The following C1GALT1 variants were observed in gnomAD, a reference collection of about 807,000 sequenced individuals.
The protein encoded by C1GALT1 is core 1 synthase, glycoprotein-N-acetylgalactosamine 3-beta-galactosyltransferase 1, also known as glycoprotein-N-acetylgalactosamine 3-beta-galactosyltransferase 1.
Under a neutral mutation model 31.0 loss-of-function variants are expected in C1GALT1, and 11 were observed. The ratio of observed to expected loss-of-function variants is 0.36; its 90% confidence interval spans 0.22 to 0.59. The LOEUF is 0.59. C1GALT1 is among the 20% of genes least tolerant of loss of function. The pLI is 0.79. For synonymous variants in C1GALT1, 175 were observed against 143.6 expected (o/e 1.22, Z -1.56); for missense variants, 424 against 425.2 (o/e 1.00, Z 0.03).
At chr7:7,210,389 A>G (rs1008653732) in intron 1 of C1GALT1, 6 of 147,314 alleles carry the variant, frequency 4.1e-5, no homozygotes, top group Non-Finnish European at 8.9e-5. Context: ...TGATGAGACC[A>G]TGCATAATTT....
At chr7:7,195,237 T>C (rs2128233497) in intron 1 of C1GALT1, among the ~76,000 whole-genome samples, 1 of 152,328 alleles carries the variant, frequency 6.6e-6, no homozygotes, top group East Asian at 1.9e-4. Context: ...TGTTCTTGTT[T>C]CTCTGGTTCC....
intron 1 of C1GALT1, among the ~76,000 whole-genome samples, chr7:7,193,591 A>G (rs1781164591): frequency 6.6e-6 from 1 of 152,064 alleles, no homozygotes; most frequent in African/African-American, 2.4e-5. Context: ...GGGTAATGTG[A>G]TACATCCAGA....
Position 7,243,872 on chromosome 7 carries a change from A to C in C1GALT1, c.*145A>C. 1.7e-6 allele frequency: 1 copy of C among 578,978 alleles called. No homozygotes were observed. The highest frequency in any genetic ancestry group is 2.9e-6 in the Non-Finnish European group (1 of 341,446). The allele number at this position is 578,978 out of a possible 1,614,324, so 35.9% of individuals were successfully genotyped here. A position where few individuals can be genotyped will look rare whatever the true frequency, so the allele number is the denominator to read the frequency against. ...GAAACCTTTCACATGAATGACTATA[A>C]ACTGAAGCTTTAAATGAGCTGTGAA... On this transcript the variant is annotated 3_prime_UTR_variant, in exon 4 of 4. Coordinates refer to ENST00000436587, the MANE Select transcript of C1GALT1 (RefSeq NM_020156.5).
At chr7:7,224,419 G>A (rs911644151) in intron 1 of C1GALT1, among the ~76,000 whole-genome samples, 1 of 147,424 alleles carries the variant, frequency 6.8e-6, no homozygotes, top group African/African-American at 2.5e-5. Flanking sequence ...ACATCTGTTA[G>A]AATTCTCCAG....
chr7:7,233,753 T>C (rs1441217915), intron 1 of C1GALT1, among the ~76,000 whole-genome samples: 1 of 152,244 alleles, frequency 6.6e-6, no homozygotes, highest in East Asian at 1.9e-4. Context: ...GTTTGGTCCA[T>C]GGGTCCTCAA....
At chr7:7,158,973 G>C (rs1283678414) in intron 2 of C1GALT1, among the ~76,000 whole-genome samples, 1 of 152,100 alleles carries the variant, frequency 6.6e-6, no homozygotes, top group East Asian at 1.9e-4. Context: ...TGATCTGAGG[G>C]CGGTCATAAA....
chr7:7,213,588 C>G (rs1481756246), intron 1 of C1GALT1, among the ~76,000 whole-genome samples: 1 of 152,112 alleles, frequency 6.6e-6, no homozygotes, highest in African/African-American at 2.4e-5. Flanking sequence ...TCCAGATTGG[C>G]ATAAATATTT....
chr7:7,194,925 C>T (rs1429688309), intron 1 of C1GALT1, among the ~76,000 whole-genome samples: 3 of 151,998 alleles, frequency 2.0e-5, no homozygotes, highest in Non-Finnish European at 4.4e-5. Context: ...TTCAGGAATT[C>T]ACCCATCTCC....
intron 1 of C1GALT1, among the ~76,000 whole-genome samples, chr7:7,187,745 G>A (rs1780885271): frequency 6.6e-6 from 1 of 152,194 alleles, no homozygotes. Context: ...AGTCAGAGAA[G>A]ACAGTAGGAA....
intron 1 of C1GALT1, among the ~76,000 whole-genome samples, chr7:7,216,865 G>A (rs548468885): frequency 9.2e-5 from 14 of 152,284 alleles, no homozygotes; most frequent in African/African-American, 3.4e-4. Flanking sequence ...AAATGACCAT[G>A]TGCTTCCCAG....
rs538950923 is a variant in C1GALT1 at position 7,159,557 on chromosome 7, C to T, written c.-18+2131C>T. ...TTCCTTCCTTCTTGTCCCCTTTCCC[C>T]AATAATCTCTTCAAGGCAAAAGGTT... On this transcript the variant is annotated intron_variant, in intron 2 of 3. Transcript: ENST00000429911. Among the ~76,000 whole-genome samples the T allele has an allele frequency of 3.3e-5, 5 of 152,106 alleles. No individual in the cohort carries two copies. In the South Asian group the frequency reaches 1.0e-3, roughly 32 times the overall value.
At chr7:7,232,502 T>TGG (rs1169780102) in intron 1 of C1GALT1, among the ~76,000 whole-genome samples, 1 of 145,342 alleles carries the variant, frequency 6.9e-6, no homozygotes, top group Non-Finnish European at 1.5e-5. Flanking sequence ...TTTTTGTTTT[T>TGG]TTTTTTTTGA....
chr7:7,209,889 A>T (rs994939873), intron 1 of C1GALT1, among the ~76,000 whole-genome samples: 1 of 151,964 alleles, frequency 6.6e-6, no homozygotes, highest in African/African-American at 2.4e-5. Flanking sequence ...TAAAAATAGG[A>T]TTTGGGTAGG....
At chr7:7,190,838 T>G (rs1439778297) in intron 1 of C1GALT1, among the ~76,000 whole-genome samples, 1 of 152,166 alleles carries the variant, frequency 6.6e-6, no homozygotes, top group African/African-American at 2.4e-5. Context: ...GGTCCAAAGT[T>G]TTAGAATACT....
intron 1 of C1GALT1, among the ~76,000 whole-genome samples, chr7:7,214,891 G>C (rs143593947): frequency 0.017 from 2,644 of 152,324 alleles, 48 homozygotes; most frequent in Non-Finnish European, 0.023. Context: ...TGGCCCAGGA[G>C]CCATGCAGCT....
rs532090539 is a variant in C1GALT1, at chr7:7,165,650, C to T, written c.-18+8224C>T. On this transcript the variant is annotated intron_variant, in intron 2 of 3. Transcript: ENST00000429911. The stretch of plus-strand genomic sequence containing the variant: ...CTATATCTTTTCTCATTTCCTTCTC[C>T]GATATGTTCCCTTTCAGGAGAAAAA... Among the ~76,000 whole-genome samples, 126 of 152,090 alleles carry T rather than the reference C, an allele frequency of 8.3e-4. 1 individual carries two copies. Among genetic ancestry groups the T allele is most frequent in the South Asian group, 6.4e-3 (31 of 4,822 alleles).
chr7:7,212,126 G>A lies in C1GALT1; in HGVS notation c.-17-22177G>A, dbSNP rs565488108. On this transcript the variant is annotated intron_variant, in intron 1 of 3. Transcript: ENST00000436587. ...AGGAATCTTAGATAAGACCTTTAAA[G>A]CCTAGGCCAGCAATGGGTTTCTATC... Among the ~76,000 whole-genome samples, 4 of 152,252 alleles carry A rather than the reference G, an allele frequency of 2.6e-5. 1 individual carries two copies. The highest frequency in any genetic ancestry group is 6.5e-5 in the Admixed American group (1 of 15,302).
Position 7,234,542 on chromosome 7 carries a change from A to G in C1GALT1, c.220+3A>G, listed in dbSNP as rs1202413368. The G allele has an allele frequency of 6.3e-7, 1 of 1,598,358 alleles. No individual in the cohort carries two copies. Among genetic ancestry groups the G allele is most frequent in the South Asian group, 1.1e-5 (1 of 90,642 alleles). ...TGCAGATTCTAGCCAACATAAAGGT[A>G]TGGTTTACTTTATTAAGCAGTAAAC... On this transcript the variant is annotated splice_donor_region_variant and intron_variant, in intron 2 of 3. Coordinates refer to ENST00000436587, the MANE Select transcript of C1GALT1 (RefSeq NM_020156.5).
chr7:7,213,416 G>A (rs190178216), intron 1 of C1GALT1, among the ~76,000 whole-genome samples: 6 of 152,116 alleles, frequency 3.9e-5, no homozygotes, highest in Non-Finnish European at 5.9e-5. Context: ...ATTTTGGAAC[G>A]TATATTAGTA....
Sources: gnomAD v4.1 joint callset for allele counts (sites outside exome capture counted in the v4.1 genomes callset) on GRCh38, gnomAD v4.1.1 for gene constraint, MANE v1.5 for transcripts, NCBI Gene and HGNC (gene_info 2026-07-23, HGNC 2026-07-21) for gene names.